OR1F1: variants seen among roughly 807,000 people sequenced by gnomAD.
The protein encoded by OR1F1 is olfactory receptor family 1 subfamily F member 1.
For synonymous variants in OR1F1, 184 were observed against 156.7 expected (o/e 1.17, Z -1.30); for missense variants, 493 against 376.3 (o/e 1.31, Z -2.57).
At chr16:3,199,603 T>C (rs1489892081), upstream of OR1F1, among the ~76,000 whole-genome samples, 2 of 152,150 alleles carry the variant, frequency 1.3e-5, no homozygotes, top group Non-Finnish European at 2.9e-5. Flanking sequence ...AGTGCTAGTG[T>C]TGACCATTGA....
upstream of OR1F1, among the ~76,000 whole-genome samples, chr16:3,203,180 GA>G (rs2141591507): frequency 6.6e-6 from 1 of 152,342 alleles, no homozygotes; most frequent in Non-Finnish European, 1.5e-5. Context: ...AAGAGCCAAG[GA>G]GGGGAAGGGA....
At chr16:3,191,573 G>T in the OR1F1 span, among the ~76,000 whole-genome samples, 1 of 151,424 alleles carries the variant, frequency 6.6e-6, no homozygotes, top group East Asian at 1.9e-4. Flanking sequence ...CACGTTGGGC[G>T]ACTTGTTTTC....
chr16:3,189,697 G>C, the OR1F1 span: 1 of 152,146 alleles, frequency 6.6e-6, no homozygotes, highest in African/African-American at 2.4e-5. Flanking sequence ...TCAAATCCCG[G>C]ACGAGCCCGG....
upstream of OR1F1, among the ~76,000 whole-genome samples, chr16:3,203,655 T>A (rs1958164036): frequency 6.6e-6 from 1 of 152,128 alleles, no homozygotes; most frequent in South Asian, 2.1e-4. Flanking sequence ...TCCCAGCTAC[T>A]TGGGAGGCTG....
At chr16:3,204,640 T>C in exon 1 of OR1F1, 2 of 1,614,156 alleles carry the variant, frequency 1.2e-6, no homozygotes, top group East Asian at 4.5e-5. Flanking sequence ...CCCCTTACAT[T>C]ACACAGCAAA....
chr16:3,191,490 T>C, the OR1F1 span, among the ~76,000 whole-genome samples: 2 of 152,138 alleles, frequency 1.3e-5, no homozygotes, highest in Non-Finnish European at 2.9e-5. Flanking sequence ...ACATAAAACG[T>C]TCCCAGGGAA....
the OR1F1 span, among the ~76,000 whole-genome samples, chr16:3,189,047 C>T: frequency 6.6e-6 from 1 of 152,308 alleles, no homozygotes; most frequent in African/African-American, 2.4e-5. Flanking sequence ...AAAAGAGACT[C>T]TCAGCGTCAG....
chr16:3,195,802 G>A, the OR1F1 span, among the ~76,000 whole-genome samples: 1 of 152,140 alleles, frequency 6.6e-6, no homozygotes, highest in African/African-American at 2.4e-5. Flanking sequence ...GGCACACAGA[G>A]GTGCTCAATA....
the OR1F1 span, among the ~76,000 whole-genome samples, chr16:3,198,782 G>A: frequency 1.3e-5 from 2 of 151,880 alleles, no homozygotes; most frequent in African/African-American, 2.4e-5. Flanking sequence ...AAGCCCAAGC[G>A]TTCAAGATCA....
At chr16:3,205,404 C>G (rs1958194769), downstream of OR1F1, among the ~76,000 whole-genome samples, 2 of 152,130 alleles carry the variant, frequency 1.3e-5, no homozygotes, top group African/African-American at 4.8e-5. Context: ...CACCCTCCAT[C>G]TCCCAGGCTC....
chr16:3,203,992 C>G (rs1958168118), upstream of OR1F1, among the ~76,000 whole-genome samples: 3 of 152,162 alleles, frequency 2.0e-5, no homozygotes, highest in Admixed American at 6.5e-5. Flanking sequence ...GCCCAGACCT[C>G]TGGGTTGTTC....
At chr16:3,204,264 G>T in exon 1 of OR1F1, 1 of 1,609,036 alleles carries the variant, frequency 6.2e-7, no homozygotes, top group Non-Finnish European at 8.5e-7. Context: ...GGACAAACCA[G>T]TCGAGTGTCT....
the OR1F1 span, among the ~76,000 whole-genome samples, chr16:3,198,428 G>A: frequency 6.6e-6 from 1 of 152,186 alleles, no homozygotes; most frequent in African/African-American, 2.4e-5. Context: ...CACATGCAGA[G>A]AGAGGACAGG....
At chr16:3,190,914 G>C in the OR1F1 span, among the ~76,000 whole-genome samples, 1 of 152,056 alleles carries the variant, frequency 6.6e-6, no homozygotes, top group Non-Finnish European at 1.5e-5. Context: ...CTTTGACAAC[G>C]GGACCTATGT....
upstream of OR1F1, among the ~76,000 whole-genome samples, chr16:3,200,332 G>A (rs1427583594): frequency 6.6e-6 from 1 of 152,166 alleles, no homozygotes; most frequent in Non-Finnish European, 1.5e-5. Context: ...GAAAAAGGCT[G>A]GGCATGGTGG....
the OR1F1 span, among the ~76,000 whole-genome samples, chr16:3,195,793 G>T: frequency 6.6e-6 from 1 of 152,060 alleles, no homozygotes; most frequent in Non-Finnish European, 1.5e-5. Flanking sequence ...CCAGTGCCTG[G>T]CACACAGAGG....
chr16:3,204,057 C>T (rs888594853), upstream of OR1F1, among the ~76,000 whole-genome samples: 2 of 152,182 alleles, frequency 1.3e-5, no homozygotes, highest in African/African-American at 2.4e-5. Context: ...GCCAAGAAGG[C>T]CTGGCTCAGA....
chr16:3,192,503 T>C, the OR1F1 span, among the ~76,000 whole-genome samples: 1 of 152,250 alleles, frequency 6.6e-6, no homozygotes, highest in South Asian at 2.1e-4. Flanking sequence ...CCTTGTCGCA[T>C]GAGTGTCTGA....
exon 1 of OR1F1, chr16:3,204,942 G>A (rs267604534): frequency 1.2e-5 from 19 of 1,614,002 alleles, no homozygotes; most frequent in Admixed American, 1.7e-5. Flanking sequence ...CATCCACAAA[G>A]GGAAGGTGGA....
Sources: gnomAD v4.1 joint callset for allele counts (sites outside exome capture counted in the v4.1 genomes callset) on GRCh38, gnomAD v4.1.1 for gene constraint, MANE v1.5 for transcripts, NCBI Gene and HGNC (gene_info 2026-07-23, HGNC 2026-07-21) for gene names.